The following NDUFA10 variants were observed in gnomAD, a reference collection of about 807,000 sequenced individuals.
NDUFA10 encodes the protein NADH:ubiquinone oxidoreductase subunit A10, also known as NADH dehydrogenase [ubiquinone] 1 alpha subcomplex subunit 10, mitochondrial.
In NDUFA10, 40 loss-of-function variants were observed where a neutral mutation model predicts 47.8. The observed-to-expected ratio is 0.84, with a 90% CI of 0.65 to 1.09. The LOEUF (loss-of-function observed/expected upper bound fraction) is 1.09, where lower values mean the gene tolerates loss of function less well. Among genes scored for constraint, NDUFA10 ranks in the 50% least tolerant of loss-of-function variants. The pLI, the probability that NDUFA10 is intolerant of heterozygous loss-of-function variation, is 0.00. For missense variants in NDUFA10, 413 were observed against 451.1 expected, an observed-to-expected ratio of 0.92 and a Z score of 0.76; for synonymous variants, 183 against 172.2, an observed-to-expected ratio of 1.06 and a Z score of -0.49.
At chr2:240,002,669 C>T (rs1368330048) in intron 8 of NDUFA10, among the ~76,000 whole-genome samples, 1 of 152,176 alleles carries the variant, frequency 6.6e-6, no homozygotes, top group East Asian at 1.9e-4. Context: ...CTCAGTCTGA[C>T]ATGAGGACCC....
intron 8 of NDUFA10, among the ~76,000 whole-genome samples, chr2:239,994,264 G>A (rs1461123134): frequency 6.6e-6 from 1 of 152,152 alleles, no homozygotes; most frequent in Non-Finnish European, 1.5e-5. Flanking sequence ...AAGCAAGCCA[G>A]TGAAGCTTCA....
At chr2:239,973,059 C>T (rs1695365325) in intron 9 of NDUFA10, among the ~76,000 whole-genome samples, 1 of 152,182 alleles carries the variant, frequency 6.6e-6, no homozygotes, top group African/African-American at 2.4e-5. Context: ...TCGAGGGACA[C>T]ATGCTGATAA....
chr2:240,007,209 G>C, intron 7 of NDUFA10, 107 bp downstream of exon 7: 1 of 835,510 alleles, frequency 1.2e-6, no homozygotes, highest in Non-Finnish European at 2.0e-6. Flanking sequence ...ATAAAACAGT[G>C]ATGTTTGTTA....
rs759913961 is a variant in NDUFA10 at position 240,014,832 on chromosome 2, G to A, written c.576C>T (p.Ser192=). 1.9e-6 allele frequency: 3 copies of A among 1,614,044 alleles called. No homozygotes were observed. Among genetic ancestry groups the A allele is most frequent in the South Asian group, 1.1e-5 (1 of 91,074 alleles). ...QCVDHYNEVK[S]VTICDYLPPH... ...GGGGCAGGTAATCGCAGATGGTGAC[G>A]CTCTTCACCTCGTTGTAGTGGTCCA... Residue 192 remains serine (S), a synonymous_variant, in exon 5 of 10, where the codon AGC becomes AGT. Coordinates refer to ENST00000252711, the MANE Select transcript of NDUFA10 (RefSeq NM_004544.4).
At chr2:239,964,766 G>A (rs910083454) in intron 9 of NDUFA10, among the ~76,000 whole-genome samples, 4 of 152,174 alleles carry the variant, frequency 2.6e-5, no homozygotes, top group Non-Finnish European at 5.9e-5. Context: ...AAACGGTAAC[G>A]CTGTAGTTGG....
chr2:239,966,462 T>C (rs765866458), intron 9 of NDUFA10, among the ~76,000 whole-genome samples: 16 of 152,144 alleles, frequency 1.1e-4, no homozygotes, highest in Non-Finnish European at 2.1e-4. Context: ...TGTTTGGGAA[T>C]GTGGATCTGT....
chr2:240,025,230 G>T lies in NDUFA10; in HGVS notation c.72C>A (p.Arg24=). 7.9e-7 allele frequency: 1 copy of T among 1,273,258 alleles called. No homozygotes were observed. The allele number at this position is 1,273,258 out of a possible 1,614,324, so 78.9% of individuals were successfully genotyped here. ...SARVVAAGAQ[R]VRGIHSSVQC... ...TGCCACCCCGCCGCCCGCTCACCAC[G>T]CGCTGGGCGCCCGCCGCCACGACCC... Residue 24 remains arginine, a synonymous_variant, in exon 1 of 10, where the codon CGC becomes CGA. Coordinates refer to ENST00000252711, the MANE Select transcript of NDUFA10 (RefSeq NM_004544.4).
intron 9 of NDUFA10, among the ~76,000 whole-genome samples, chr2:239,972,475 C>T (rs961769601): frequency 1.3e-5 from 2 of 151,958 alleles, no homozygotes; most frequent in Admixed American, 6.6e-5. Flanking sequence ...CATATAAATG[C>T]TAATCAATTC....
At chr2:239,954,839 A>G (rs111263861), downstream of NDUFA10, among the ~76,000 whole-genome samples, 1,517 of 151,956 alleles carry the variant, frequency 1.0e-2, 24 homozygotes, top group African/African-American at 0.035. Flanking sequence ...ACTGGTTGCC[A>G]ATGTTGGCGA....
intron 1 of NDUFA10, among the ~76,000 whole-genome samples, chr2:240,023,684 T>C (rs1697736552): frequency 6.6e-6 from 1 of 152,172 alleles, no homozygotes; most frequent in Non-Finnish European, 1.5e-5. Flanking sequence ...CACAAAAATA[T>C]TAAAATACTT....
intron 4 of NDUFA10, among the ~76,000 whole-genome samples, chr2:239,952,164 G>A (rs530891350): frequency 3.3e-5 from 5 of 152,084 alleles, no homozygotes; most frequent in African/African-American, 4.8e-5. Flanking sequence ...TCCTGGAATG[G>A]GGGCTTGGTG....
rs138890187 is a variant in NDUFA10 at position 239,935,077 on chromosome 2, G to A, written c.295-39763C>T. ...CTTCCTGGGAGAGTCCTTCTCTCTC[G>A]CCTCTGGTCCGAAATAGCACCTGCC... On this transcript the variant is annotated intron_variant, in intron 4 of 5. Transcript: ENST00000419408. Among the ~76,000 whole-genome samples, 1,268 of 152,242 alleles carry A rather than the reference G, an allele frequency of 8.3e-3. 9 individuals carry two copies. The highest frequency in any genetic ancestry group is 0.013 in the Non-Finnish European group (858 of 68,004).
Position 239,920,954 on chromosome 2 carries a change from C to T in NDUFA10, c.295-25640G>A, listed in dbSNP as rs912187480. ...GTTTCTCCTGTCTCTCCTCAGGTAT[C>T]CTGGGGAAGGCTGAATGCCTAGAGA... On this transcript the variant is annotated intron_variant, in intron 4 of 5. Transcript: ENST00000419408. 3.3e-5 allele frequency among the ~76,000 whole-genome samples: 5 copies of T among 152,288 alleles called. No individual in the cohort carries two copies. The East Asian group carries it at 7.7e-4, about 24-fold the overall frequency.
intron 3 of NDUFA10, 33 bp downstream of exon 3, chr2:240,021,164 C>T: frequency 6.4e-7 from 1 of 1,570,948 alleles, no homozygotes; most frequent in Non-Finnish European, 8.8e-7. Context: ...TGTTCAAGTA[C>T]AGAACAGATC....
intron 9 of NDUFA10, among the ~76,000 whole-genome samples, chr2:239,989,503 G>A (rs1696157472): frequency 6.6e-6 from 1 of 152,250 alleles, no homozygotes; most frequent in Non-Finnish European, 1.5e-5. Context: ...TGCAGTGCAG[G>A]CTGCAACTCA....
At chr2:239,962,239 A>ACACACACACACC (rs1491418298) in intron 9 of NDUFA10, among the ~76,000 whole-genome samples, 1 of 149,242 alleles carries the variant, frequency 6.7e-6, no homozygotes, top group African/African-American at 2.5e-5. Flanking sequence ...ACACACACAC[A>ACACACACACACC]CCCCTTCCAA....
At chr2:239,986,477 C>T (rs1250688817) in intron 9 of NDUFA10, among the ~76,000 whole-genome samples, 1 of 152,152 alleles carries the variant, frequency 6.6e-6, no homozygotes, top group Non-Finnish European at 1.5e-5. Flanking sequence ...TAAAATGAAC[C>T]TTGATGTGTT....
chr2:239,971,695 T>A (rs139439836), intron 9 of NDUFA10, among the ~76,000 whole-genome samples: 21 of 152,340 alleles, frequency 1.4e-4, no homozygotes, highest in Non-Finnish European at 2.2e-4. Flanking sequence ...GGTGGCAGGC[T>A]GAAAGTGGAG....
downstream of NDUFA10, among the ~76,000 whole-genome samples, chr2:239,955,801 A>G (rs369673045): frequency 2.0e-5 from 3 of 152,080 alleles, no homozygotes; most frequent in African/African-American, 7.2e-5. Context: ...GGGACAGTGG[A>G]CTCTGGCTCA....
Sources: gnomAD v4.1 joint callset for allele counts (sites outside exome capture counted in the v4.1 genomes callset) on GRCh38, gnomAD v4.1.1 for gene constraint, MANE v1.5 for transcripts, NCBI Gene and HGNC (gene_info 2026-07-23, HGNC 2026-07-21) for gene names.